MYZAP: variants seen among roughly 807,000 people sequenced by gnomAD.
The protein encoded by MYZAP is GRINL1A complex locus upstream.
In MYZAP, 66 loss-of-function variants were observed where a neutral mutation model predicts 69.4. That is an observed-to-expected ratio of 0.95 (90% CI 0.78 to 1.17). The LOEUF (loss-of-function observed/expected upper bound fraction) is 1.17. MYZAP is among the 50% of genes most tolerant of loss of function. MYZAP has a pLI of 0.00. For synonymous variants in MYZAP, 256 were observed against 205.9 expected (o/e 1.24, Z -2.09); for missense variants, 611 against 556.2 (o/e 1.10, Z -0.99).
At chr15:57,602,159 C>T (rs1371530938) in intron 1 of MYZAP, among the ~76,000 whole-genome samples, 2 of 152,000 alleles carry the variant, frequency 1.3e-5, no homozygotes, top group African/African-American at 4.8e-5. Context: ...TGGACCAGTG[C>T]AGATCTGTGA....
rs1216111302 is a variant in MYZAP, at chr15:57,685,299, C to G, written c.*801C>G. 7 of 152,108 alleles carry G rather than the reference C, an allele frequency of 4.6e-5. No individual in the cohort carries two copies. The highest frequency in any genetic ancestry group is 1.7e-4 in the African/African-American group (7 of 41,412). The allele number at this position is 152,108 out of a possible 1,614,324, so 9.4% of individuals were successfully genotyped here. On this transcript the variant is annotated 3_prime_UTR_variant, in exon 13 of 13. Transcript: ENST00000267853. ...CGAATGAATCATCTGTTCATGCATG[C>G]TCTACTTTGATATTATAACCTATGT...
chr15:57,647,267 ACCTGTG>A, intron 10 of MYZAP: 1 of 985,368 alleles, frequency 1.0e-6, no homozygotes, highest in African/African-American at 1.7e-5. Context: ...AATATTGTTC[ACCTGTG>A]CACGGTGCTG....
At chr15:57,615,237 C>T (rs1213714155) in intron 2 of MYZAP, among the ~76,000 whole-genome samples, 2 of 152,198 alleles carry the variant, frequency 1.3e-5, no homozygotes, top group South Asian at 2.1e-4. Flanking sequence ...AGGAAACTGT[C>T]GTTAGAGAGC....
At chr15:57,619,903 T>C (rs1425947) in intron 3 of MYZAP, among the ~76,000 whole-genome samples, 3,063 of 152,146 alleles carry the variant, frequency 0.02, 117 homozygotes, top group African/African-American at 0.07. Flanking sequence ...ACCAAAGACA[T>C]GTGCCAAAGA....
chr15:57,624,261 G>C (rs2035992670), intron 4 of MYZAP, among the ~76,000 whole-genome samples: 1 of 152,210 alleles, frequency 6.6e-6, no homozygotes, highest in Non-Finnish European at 1.5e-5. Flanking sequence ...GTTAATATCT[G>C]TGGGAAAGAA....
At chr15:57,681,274 C>T (rs2039425635) in intron 12 of MYZAP, among the ~76,000 whole-genome samples, 1 of 152,206 alleles carries the variant, frequency 6.6e-6, no homozygotes, top group South Asian at 2.1e-4. Flanking sequence ...CACCAGGTCC[C>T]ATGGATTGCT....
In MYZAP at chr15:57,654,230, A is replaced by G. The variant is rs1826853018; in HGVS notation, c.1120-7220A>G. On this transcript the variant is annotated intron_variant, in intron 10 of 12. Coordinates refer to ENST00000267853, the MANE Select transcript of MYZAP (RefSeq NM_001018100.5). The stretch of plus-strand genomic sequence containing the variant: ...GTTCCCCTCTTTTGGCTAGCCTTTC[A>G]TTTGTGAGAGATTGATCAAGTTTTA... 2.0e-5 allele frequency among the ~76,000 whole-genome samples: 3 copies of G among 151,880 alleles called. No homozygotes were observed. The South Asian group carries it at 6.2e-4, about 32-fold the overall frequency.
At chr15:57,610,630 G>A (rs1328980333) in intron 2 of MYZAP, among the ~76,000 whole-genome samples, 1 of 152,198 alleles carries the variant, frequency 6.6e-6, no homozygotes, top group Non-Finnish European at 1.5e-5. Flanking sequence ...AGAAATGTTA[G>A]TCTAGAGCCA....
At chr15:57,632,629 C>A in intron 7 of MYZAP, 70 bp downstream of exon 7, 1 of 1,585,104 alleles carries the variant, frequency 6.3e-7, no homozygotes, top group South Asian at 1.2e-5. Flanking sequence ...GTGATGTATA[C>A]GTAGTAGTGT....
At chr15:57,676,809 C>T (rs1023658894) in intron 12 of MYZAP, among the ~76,000 whole-genome samples, 1 of 152,100 alleles carries the variant, frequency 6.6e-6, no homozygotes, top group African/African-American at 2.4e-5. Flanking sequence ...AACCACAAAG[C>T]GGTTTTCATA....
chr15:57,621,051 T>G (rs868186961), intron 3 of MYZAP, among the ~76,000 whole-genome samples: 1 of 148,062 alleles, frequency 6.8e-6, no homozygotes, highest in Non-Finnish European at 1.5e-5. Flanking sequence ...TATTTTATTA[T>G]GTATATAAAA....
In MYZAP at chr15:57,672,040, G is replaced by A. The variant is rs184991929; in HGVS notation, c.1204-2928G>A. 1.5e-3 allele frequency among the ~76,000 whole-genome samples: 224 copies of A among 152,308 alleles called. 1 individual carries two copies. The highest frequency in any genetic ancestry group is 5.4e-3 in the Admixed American group (82 of 15,288). On this transcript the variant is annotated intron_variant, in intron 11 of 12. Transcript: ENST00000267853. ...CTACATCCTGCCTGTCTGTGATGCT[G>A]ATGGCAGATCTCAGTTCAGTTCTTT...
chr15:57,675,763 T>C (rs1356989638), intron 12 of MYZAP, among the ~76,000 whole-genome samples: 2 of 152,178 alleles, frequency 1.3e-5, no homozygotes, highest in Non-Finnish European at 2.9e-5. Context: ...AACCTGCCTC[T>C]GATAACTAAC....
chr15:57,614,509 C>T (rs1038895700), intron 2 of MYZAP, among the ~76,000 whole-genome samples: 1 of 152,152 alleles, frequency 6.6e-6, no homozygotes, highest in African/African-American at 2.4e-5. Context: ...GACATTTCAG[C>T]CCAGCAGTGC....
In MYZAP at chr15:57,668,896, T is replaced by A. The variant is rs398043672; in HGVS notation, c.1204-6072T>A. On this transcript the variant is annotated intron_variant, in intron 11 of 12. Transcript: ENST00000267853. ...AAGATATATATATATATATATATAT[T>A]TTTTTTTTTTTGCAATGGGGTCTTG... 7.5e-3 allele frequency among the ~76,000 whole-genome samples: 914 copies of A among 122,180 alleles called. 11 individuals are homozygous for A. The highest frequency in any genetic ancestry group is 0.031 in the African/African-American group (854 of 27,268). The allele number at this position is 122,180 out of a possible 152,430, so 80.2% of individuals were successfully genotyped here. A position where few individuals can be genotyped will look rare whatever the true frequency, so the allele number is the denominator to read the frequency against.
intron 7 of MYZAP, among the ~76,000 whole-genome samples, 167 bp from the exon 8 acceptor site, chr15:57,633,446 G>A (rs2036625717): frequency 6.6e-6 from 1 of 152,174 alleles, no homozygotes; most frequent in Non-Finnish European, 1.5e-5. Flanking sequence ...ATTCATAGGT[G>A]AGAACCAGAA....
intron 1 of MYZAP, chr15:57,599,544 C>A: frequency 3.9e-6 from 5 of 1,267,862 alleles, no homozygotes; most frequent in South Asian, 2.6e-5. Context: ...CAGTTCTTCG[C>A]ATTGTGCATA....
chr15:57,614,787 C>A (rs2035326336), intron 2 of MYZAP, among the ~76,000 whole-genome samples: 1 of 152,182 alleles, frequency 6.6e-6, no homozygotes, highest in Non-Finnish European at 1.5e-5. Context: ...GAAAAAAGAA[C>A]TCCAATTTGG....
rs117960158 is a variant in MYZAP, at chr15:57,666,728, T to G, written c.1203+5195T>G. On this transcript the variant is annotated intron_variant, in intron 11 of 12. Transcript: ENST00000267853. ...ACCACCTACTAGGTACTATGCTTAT[T>G]ACCTGGGTGATGGCCTCAGTCATAC... Among the ~76,000 whole-genome samples, 797 of 152,228 alleles carry G rather than the reference T, an allele frequency of 5.2e-3. 7 individuals carry two copies. The highest frequency in any genetic ancestry group is 0.01 in the Middle Eastern group (3 of 294).
Sources: allele counts gnomAD v4.1 joint callset (sites outside exome capture counted in the v4.1 genomes callset), GRCh38; gene constraint gnomAD v4.1.1; transcripts MANE v1.5; gene names NCBI Gene and HGNC (gene_info 2026-07-23, HGNC 2026-07-21).